Variants in PPP2R5A observed in about 807,000 individuals in gnomAD.
PPP2R5A encodes protein phosphatase 2 regulatory subunit B'alpha.
A neutral mutation model predicts 64.2 loss-of-function variants in PPP2R5A; 25 were observed. That is an observed-to-expected ratio of 0.39 (90% CI 0.28 to 0.54). PPP2R5A has a LOEUF of 0.54. Ranked by LOEUF, PPP2R5A falls within the 20% of genes least tolerant of loss-of-function variation. PPP2R5A has a pLI of 0.67. For synonymous variants in PPP2R5A, 198 were observed against 201.2 expected (o/e 0.98, Z 0.13); for missense variants, 425 against 576.3 (o/e 0.74, Z 2.69).
intron 2 of PPP2R5A, chr1:212,331,459 A>C (rs1483351015): frequency 6.6e-6 from 1 of 151,438 alleles, no homozygotes; most frequent in Non-Finnish European, 1.5e-5. Context: ...ATGGGCCACC[A>C]TGTCCAGCCT....
intron 1 of PPP2R5A, among the ~76,000 whole-genome samples, chr1:212,324,356 T>C (rs924818278): frequency 5.3e-5 from 8 of 152,166 alleles, no homozygotes; most frequent in African/African-American, 1.9e-4. Flanking sequence ...GGGACCACCA[T>C]CACATAAGCA....
At chr1:212,317,735 C>T (rs1003514334) in intron 1 of PPP2R5A, among the ~76,000 whole-genome samples, 16 of 152,050 alleles carry the variant, frequency 1.1e-4, no homozygotes, top group African/African-American at 3.6e-4. Flanking sequence ...CGCCTGTAAT[C>T]CCAGCATTTT....
chr1:212,298,873 G>C (rs1441687997), intron 1 of PPP2R5A, among the ~76,000 whole-genome samples: 3 of 37,808 alleles, frequency 7.9e-5, no homozygotes, highest in African/African-American at 2.8e-4. Context: ...CTGGCCAGGC[G>C]GGGGGCTGAC....
chr1:212,333,582 C>A lies in PPP2R5A; in HGVS notation c.464C>A (p.Ser155Tyr). Residue 155 changes from serine (S) to tyrosine (Y), a missense_variant, in exon 3 of 13, where the codon TCT becomes TAT. Physicochemically the swap from Ser to Tyr is moderately radical, Grantham distance 144. Around this residue, in one of 4 missense-constraint regions of PPP2R5A, gnomAD observed 140 missense variants for 204.4 expected, o/e 0.68. Coordinates refer to ENST00000261461, the MANE Select transcript of PPP2R5A (RefSeq NM_006243.4). ...GAGGATGAACCCACGCTTGAGGCCTCTTGGCCTCACATACAGGTATGGAAC... is the reference window on the plus strand; with the variant it reads ...GAGGATGAACCCACGCTTGAGGCCTATTGGCCTCACATACAGGTATGGAAC... Reference protein sequence around the residue: ...PEEDEPTLEASWPHIQLVYEF... With the variant: ...PEEDEPTLEAYWPHIQLVYEF... The A allele has an allele frequency of 6.5e-7, 1 of 1,549,390 alleles. No homozygotes were observed. The highest frequency in any genetic ancestry group is 8.8e-7 in the Non-Finnish European group (1 of 1,133,990).
rs1660070935 is a variant in PPP2R5A at position 212,360,989 on chromosome 1, A to C, written c.*219A>C. ...GTCTAATCATTGGATTTATTGTGTC[A>C]CTTCTGAAGTTTCACAGAAATGAAT... On this transcript the variant is annotated 3_prime_UTR_variant, in exon 13 of 13. Transcript: ENST00000261461. The C allele has an allele frequency of 3.0e-6, 1 of 328,798 alleles. No individual in the cohort carries two copies. The highest frequency in any genetic ancestry group is 5.5e-6 in the Non-Finnish European group (1 of 180,296). 20.4% of individuals were successfully genotyped at this position (328,798 alleles called of 1,614,324 possible).
chr1:212,321,780 CG>C (rs1218617379), intron 1 of PPP2R5A, among the ~76,000 whole-genome samples: 1 of 151,752 alleles, frequency 6.6e-6, no homozygotes, highest in Non-Finnish European at 1.5e-5. Flanking sequence ...ACTTCCCAGA[CG>C]GGGTGGCCGC....
chr1:212,309,942 G>A (rs536298871), intron 1 of PPP2R5A, among the ~76,000 whole-genome samples: 1 of 152,254 alleles, frequency 6.6e-6, no homozygotes, highest in South Asian at 2.1e-4. Flanking sequence ...AGCAACTCTT[G>A]GTACCAACCT....
chr1:212,305,789 A>G (rs1018705908), intron 1 of PPP2R5A, among the ~76,000 whole-genome samples: 5 of 152,106 alleles, frequency 3.3e-5, no homozygotes, highest in Non-Finnish European at 5.9e-5. Flanking sequence ...CCCTTCTATC[A>G]TTACAAAATG....
At chr1:212,294,423 A>G (rs1658656360) in intron 1 of PPP2R5A, among the ~76,000 whole-genome samples, 2 of 152,224 alleles carry the variant, frequency 1.3e-5, no homozygotes, top group Admixed American at 6.5e-5. Context: ...AATAAGACAT[A>G]ACTTCTGTAG....
At chr1:212,360,568 G>A in intron 12 of PPP2R5A, 70 bp from the exon 13 acceptor site, 1 of 1,321,210 alleles carries the variant, frequency 7.6e-7, no homozygotes, top group Non-Finnish European at 1.0e-6. Flanking sequence ...TCTCCAGTAA[G>A]CTGTCAAACA....
At chr1:212,355,034 A>G (rs1659954894) in intron 8 of PPP2R5A, among the ~76,000 whole-genome samples, 1 of 152,226 alleles carries the variant, frequency 6.6e-6, no homozygotes, top group Non-Finnish European at 1.5e-5. Context: ...TATCCCCATC[A>G]TTAAATGACA....
At chr1:212,287,569 C>A in intron 1 of PPP2R5A, among the ~76,000 whole-genome samples, 1 of 152,178 alleles carries the variant, frequency 6.6e-6, no homozygotes. Context: ...CAGTTAGAAT[C>A]AAACTGGCTT....
At chr1:212,296,202 C>T (rs1188981145) in intron 1 of PPP2R5A, among the ~76,000 whole-genome samples, 1 of 143,432 alleles carries the variant, frequency 7.0e-6, no homozygotes. Flanking sequence ...GAATGTGTCC[C>T]ACCACCGAGA....
intron 1 of PPP2R5A, among the ~76,000 whole-genome samples, chr1:212,319,947 G>GTTTT (rs71137742): frequency 1.9e-3 from 193 of 103,262 alleles, no homozygotes; most frequent in South Asian, 3.1e-3. Context: ...CTTACAGATT[G>GTTTT]TTTTTTTTTT....
At chr1:212,309,910 G>A (rs1283587182) in intron 1 of PPP2R5A, among the ~76,000 whole-genome samples, 1 of 152,132 alleles carries the variant, frequency 6.6e-6, no homozygotes, top group East Asian at 1.9e-4. Context: ...GTTGGACTCG[G>A]CTGTTTTAAA....
Position 212,360,731 on chromosome 1 carries a change from C to T in PPP2R5A, c.1422C>T (p.Tyr474=), listed in dbSNP as rs745433703. Residue 474 remains tyrosine (Y), a synonymous_variant, in exon 13 of 13, where the codon TAC becomes TAT. Transcript: ENST00000261461. ...CTCTAGAAAAACAGAATAGTGCTTA[C>T]AACATGCACAGTATTCTCAGCAATA... ...KKALEKQNSA[Y]NMHSILSNTS... The T allele has an allele frequency of 6.3e-7, 1 of 1,592,954 alleles. No homozygotes were observed. Among genetic ancestry groups the T allele is most frequent in the East Asian group, 2.3e-5 (1 of 44,354 alleles).
intron 1 of PPP2R5A, among the ~76,000 whole-genome samples, chr1:212,292,628 A>G (rs1209954044): frequency 1.3e-5 from 2 of 152,184 alleles, no homozygotes; most frequent in Middle Eastern, 3.2e-3. Context: ...GCTGGAGTGT[A>G]GTGGCACAAT....
chr1:212,346,073 C>A, intron 5 of PPP2R5A, 140 bp downstream of exon 5: 3 of 792,772 alleles, frequency 3.8e-6, no homozygotes, highest in Non-Finnish European at 3.7e-6. Context: ...GAGAACATAG[C>A]TCATTGTAGC....
chr1:212,316,396 C>T (rs894537775), intron 1 of PPP2R5A, among the ~76,000 whole-genome samples: 1 of 152,308 alleles, frequency 6.6e-6, no homozygotes, highest in South Asian at 2.1e-4. Flanking sequence ...ACAGCCATAA[C>T]ATTTCCTTAA....
Sources: allele counts gnomAD v4.1 joint callset (sites outside exome capture counted in the v4.1 genomes callset), GRCh38; gene constraint gnomAD v4.1.1; regional missense constraint gnomAD v4.1.1; transcripts MANE v1.5; gene names NCBI Gene and HGNC (gene_info 2026-07-23, HGNC 2026-07-21).